POU3F2: variants seen among roughly 807,000 people sequenced by gnomAD.
POU3F2 encodes the protein POU class 3 homeobox 2.
A neutral mutation model predicts 33.1 loss-of-function variants in POU3F2; 11 were observed. The ratio of observed to expected loss-of-function variants is 0.33; its 90% CI spans 0.21 to 0.55. The LOEUF is 0.55. Ranked by LOEUF, POU3F2 falls within the 20% of genes least tolerant of loss-of-function variation. POU3F2 has a pLI of 0.91. For missense variants in POU3F2, 456 were observed against 620.2 expected, an observed-to-expected ratio of 0.74 and a Z score of 2.81; for synonymous variants, 332 against 289.6, an observed-to-expected ratio of 1.15 and a Z score of -1.49.
In POU3F2 at chr6:98,834,868, A is replaced by G; in HGVS notation, c.-6A>G. 1 of 1,596,784 alleles carries G rather than the reference A, an allele frequency of 6.3e-7. No individual in the cohort carries two copies. Among genetic ancestry groups the G allele is most frequent in the Non-Finnish European group, 8.5e-7 (1 of 1,178,250 alleles). ...AACCGGAGCGCTCAGTCCGGCTCCGAGAGTCATGGCGACCGCAGCGTCTAA... is the reference window on the plus strand; with the variant it reads ...AACCGGAGCGCTCAGTCCGGCTCCGGGAGTCATGGCGACCGCAGCGTCTAA... On this transcript the variant is annotated 5_prime_UTR_variant, in exon 1 of 1. Transcript: ENST00000328345.
Position 98,835,256 on chromosome 6 carries a change from A to G in POU3F2, c.383A>G (p.His128Arg). Residue 128 changes from histidine to arginine, a missense_variant, in exon 1 of 1, where the codon CAT (histidine) becomes CGT (arginine). By Grantham distance (29) the His-to-Arg change is conservative (BLOSUM62 0). Coordinates refer to ENST00000328345, the MANE Select transcript of POU3F2 (RefSeq NM_005604.4). This position sits in a 1 kb window ranked among gnomAD's most constrained non-coding sequence, Gnocchi z 9.7. ...GGGCCAGGCGCCCTGCAGCAGCAGC[A>G]TCAGCAGCAGCAACAGCAACAGCAG... is the stretch of plus-strand genomic sequence containing the variant. ...LHGPGALQQQ[H>R]QQQQQQQQQQ... is the part of the protein sequence containing the mutation. The G allele has an allele frequency of 6.5e-7, 1 of 1,543,776 alleles. No homozygotes were observed. Among genetic ancestry groups the G allele is most frequent in the Non-Finnish European group, 8.7e-7 (1 of 1,144,780 alleles).
In POU3F2 at chr6:98,834,941, C is replaced by T. The variant is rs2128367715; in HGVS notation, c.68C>T (p.Pro23Leu). 6.3e-7 allele frequency: 1 copy of T among 1,599,494 alleles called. No individual in the cohort carries two copies. The highest frequency in any genetic ancestry group is 8.5e-7 in the Non-Finnish European group (1 of 1,179,070). ...AGCGCCTCCATCGTGCACGCCGAGC[C>T]GCCCGGCGGCATGCAGCAGGGCGCG... ...TSSASIVHAE[P>L]PGGMQQGAGG... Residue 23 changes from proline (P) to leucine (L), a missense_variant, in exon 1 of 1, where the codon CCG becomes CTG. Pro to Leu is a moderately conservative substitution (Grantham distance 98). Around this residue, in one of 6 missense-constraint regions of POU3F2, gnomAD observed 341 missense variants for 382.4 expected, o/e 0.89. Transcript: ENST00000328345.
rs1355240342 is a variant in POU3F2 at position 98,835,107 on chromosome 6, G to C, written c.234G>C (p.Gly78=). Residue 78 remains glycine, a synonymous_variant, in exon 1 of 1, where the codon GGG becomes GGC. Coordinates refer to ENST00000328345, the MANE Select transcript of POU3F2 (RefSeq NM_005604.4). The surrounding 1 kb of genome is among the most constrained non-coding windows in gnomAD (Gnocchi z 9.7). Reference sequence around the variant, plus strand: ...GCGGCGGGGGCGGTGGCGGCGGCGGGGGGGGCGGGGGCGGCGGCGGGGGCG... The same window carrying C: ...GCGGCGGGGGCGGTGGCGGCGGCGGCGGGGGCGGGGGCGGCGGCGGGGGCG... The part of the protein sequence containing the change: ...GGGGGGGGGG[G]GGGGGGGGGG... 9.9e-6 allele frequency: 12 copies of C among 1,210,168 alleles called. No individual in the cohort carries two copies. The East Asian group carries it at 1.7e-4, about 17-fold the overall frequency. The allele number at this position is 1,210,168 out of a possible 1,614,324, so 75.0% of individuals were successfully genotyped here. A position where few individuals can be genotyped will look rare whatever the true frequency, so the allele number is the denominator to read the frequency against.
rs1769976525 is a variant in POU3F2, at chr6:98,835,211, G to T, written c.338G>T (p.Gly113Val). The part of the protein sequence containing the change: ...IKPSVVVQQG[G>V]RGDELHGPGA... Reference sequence around the variant, plus strand: ...CCCTCGGTGGTGGTGCAGCAGGGCGGCCGCGGAGACGAGCTGCACGGGCCA... The same window carrying T: ...CCCTCGGTGGTGGTGCAGCAGGGCGTCCGCGGAGACGAGCTGCACGGGCCA... The change falls in exon 1 of 1, where the codon GGC becomes GTC. Residue 113 changes from glycine to valine, a missense_variant. Gly to Val is a moderately radical substitution (Grantham distance 109). This residue lies in a region of POU3F2 where 341 missense variants were observed against 382.4 expected (regional missense o/e 0.89). Transcript: ENST00000328345. This position sits in a 1 kb window ranked among gnomAD's most constrained non-coding sequence, Gnocchi z 9.7. 6.6e-7 allele frequency: 1 copy of T among 1,521,878 alleles called. No individual in the cohort carries two copies. Among genetic ancestry groups the T allele is most frequent in the South Asian group, 1.2e-5 (1 of 81,878 alleles). The allele number at this position is 1,521,878 out of a possible 1,614,324, so 94.3% of individuals were successfully genotyped here. A position where few individuals can be genotyped will look rare whatever the true frequency, so the allele number is the denominator to read the frequency against.
rs1321043636 is a variant in POU3F2, at chr6:98,835,818, G to C, written c.945G>C (p.Gln315His). 1 of 1,614,218 alleles carries C rather than the reference G, an allele frequency of 6.2e-7. No homozygotes were observed. The highest frequency in any genetic ancestry group is 1.7e-5 in the Admixed American group (1 of 60,036). Residue 315 changes from glutamine to histidine, a missense_variant, in exon 1 of 1, where the codon CAG (glutamine) becomes CAC (histidine). Coordinates refer to ENST00000328345, the MANE Select transcript of POU3F2 (RefSeq NM_005604.4). This position sits in a 1 kb window ranked among gnomAD's most constrained non-coding sequence, Gnocchi z 9.7. Reference sequence around the variant, plus strand: ...CCATCTGCAGGTTTGAGGCCCTGCAGCTGAGCTTCAAGAACATGTGCAAGC... The same window carrying C: ...CCATCTGCAGGTTTGAGGCCCTGCACCTGAGCTTCAAGAACATGTGCAAGC... ...QTTICRFEAL[Q>H]LSFKNMCKLK... is the part of the protein sequence containing the mutation.
In POU3F2 at chr6:98,837,151, G is replaced by C. The variant is rs1050578485; in HGVS notation, c.*946G>C. 1 of 167,070 alleles carries C rather than the reference G, an allele frequency of 6.0e-6. No individual in the cohort carries two copies. Among genetic ancestry groups the C allele is most frequent in the Non-Finnish European group, 1.5e-5 (1 of 68,120 alleles). The allele number at this position is 167,070 out of a possible 1,614,324, so 10.3% of individuals were successfully genotyped here. A position where few individuals can be genotyped will look rare whatever the true frequency, so the allele number is the denominator to read the frequency against. On this transcript the variant is annotated 3_prime_UTR_variant, in exon 1 of 1. Coordinates refer to ENST00000328345, the MANE Select transcript of POU3F2 (RefSeq NM_005604.4). ...AACTTCATTTTCAGGCAGTGTTTCTGGGGGAGGTTATGGAGGGAAGAAAAA... is the reference window on the plus strand; with the variant it reads ...AACTTCATTTTCAGGCAGTGTTTCTCGGGGAGGTTATGGAGGGAAGAAAAA...
chr6:98,835,074 C>T lies in POU3F2; in HGVS notation c.201C>T (p.His67=). ...ACCAGTGGATCACCGCGCTGTCCCA[C>T]GGCGGCGGCGGCGGGGGCGGTGGCG... is the stretch of plus-strand genomic sequence containing the variant. ...HAHQWITALS[H]GGGGGGGGGG... Residue 67 remains histidine, a synonymous_variant, in exon 1 of 1, where the codon CAC becomes CAT. Coordinates refer to ENST00000328345, the MANE Select transcript of POU3F2 (RefSeq NM_005604.4). This position sits in a 1 kb window ranked among gnomAD's most constrained non-coding sequence, Gnocchi z 9.7. The T allele has an allele frequency of 1.7e-6, 2 of 1,171,236 alleles. No individual in the cohort carries two copies. Among genetic ancestry groups the T allele is most frequent in the Non-Finnish European group, 2.1e-6 (2 of 949,870 alleles). 72.6% of individuals were successfully genotyped at this position (1,171,236 alleles called of 1,614,324 possible).
At position 98,839,097 on chromosome 6, in the gene POU3F2, T is replaced by C. The variant is rs1239386877; in HGVS notation, c.*2892T>C. ...CTATGCCTGTAGCATTAAATTGAAA[T>C]GGTCATTGGGTTTGAGCTTCAATTT... is the stretch of plus-strand genomic sequence containing the variant. On this transcript the variant is annotated 3_prime_UTR_variant, in exon 1 of 1. Transcript: ENST00000328345. 6.6e-6 allele frequency: 1 copy of C among 152,048 alleles called. No homozygotes were observed. The highest frequency in any genetic ancestry group is 6.5e-5 in the Admixed American group (1 of 15,274). The allele number at this position is 152,048 out of a possible 1,614,324, so 9.4% of individuals were successfully genotyped here.
Position 98,838,902 on chromosome 6 carries a change from G to A in POU3F2, c.*2697G>A, listed in dbSNP as rs911333235. On this transcript the variant is annotated 3_prime_UTR_variant, in exon 1 of 1. Coordinates refer to ENST00000328345, the MANE Select transcript of POU3F2 (RefSeq NM_005604.4). The stretch of plus-strand genomic sequence containing the variant: ...TTAAATTGACTGAGTTGAGTTGTGT[G>A]TAAAACACTTCCCTTCCTTTATACT... 8 of 152,128 alleles carry A rather than the reference G, an allele frequency of 5.3e-5. No individual in the cohort carries two copies. Among genetic ancestry groups the A allele is most frequent in the Admixed American group, 5.2e-4 (8 of 15,278 alleles). 9.4% of individuals were successfully genotyped at this position (152,128 alleles called of 1,614,324 possible).
At position 98,835,105 on chromosome 6, in the gene POU3F2, G is replaced by T. The variant is rs1015244299; in HGVS notation, c.232G>T (p.Gly78Trp). Residue 78 changes from glycine to tryptophan, a missense_variant, in exon 1 of 1, where the codon GGG becomes TGG. Physicochemically the swap from Gly to Trp is radical, Grantham distance 184. Coordinates refer to ENST00000328345, the MANE Select transcript of POU3F2 (RefSeq NM_005604.4). This position sits in a 1 kb window ranked among gnomAD's most constrained non-coding sequence, Gnocchi z 9.7. ...CGGCGGCGGGGGCGGTGGCGGCGGC[G>T]GGGGGGGCGGGGGCGGCGGCGGGGG... ...GGGGGGGGGGGGGGGGGGGGG... is the reference protein window; with the variant it reads ...GGGGGGGGGGWGGGGGGGGGG... The T allele has an allele frequency of 8.3e-7, 1 of 1,198,132 alleles. No individual in the cohort carries two copies. The allele number at this position is 1,198,132 out of a possible 1,614,324, so 74.2% of individuals were successfully genotyped here.
In POU3F2 at chr6:98,834,728, AGGCGTCGGAGCG is replaced by A. The variant is rs1203181122; in HGVS notation, c.-134_-123del. The stretch of plus-strand genomic sequence containing the variant: ...CAGTAATAGCAGGAGCAGCAACAGA[AGGCGTCGGAGCG>A]GGCGTCGGAGCTGCCCGCTGTGGGA... On this transcript the variant is annotated 5_prime_UTR_variant, in exon 1 of 1. Transcript: ENST00000328345. 1.2e-5 allele frequency: 10 copies of A among 841,656 alleles called. No homozygotes were observed. The highest frequency in any genetic ancestry group is 3.5e-5 in the South Asian group (2 of 56,930). The allele number at this position is 841,656 out of a possible 1,614,324, so 52.1% of individuals were successfully genotyped here.
In POU3F2 at chr6:98,835,412, C is replaced by T; in HGVS notation, c.539C>T (p.Ser180Phe). The change falls in exon 1 of 1, where the codon TCC becomes TTC. Residue 180 changes from serine to phenylalanine, a missense_variant. Physicochemically the swap from Ser to Phe is radical, Grantham distance 155. This residue lies in a region of POU3F2 where 341 missense variants were observed against 382.4 expected (regional missense o/e 0.89). Coordinates refer to ENST00000328345, the MANE Select transcript of POU3F2 (RefSeq NM_005604.4). This position sits in a 1 kb window ranked among gnomAD's most constrained non-coding sequence, Gnocchi z 9.7. ...GCGGCTGCAGCGCACCTCCCACCCT[C>T]CATGGGAGCGTCCAACGGCGGCTTG... The part of the protein sequence containing the change: ...SAAAAAHLPP[S>F]MGASNGGLLY... 6.3e-7 allele frequency: 1 copy of T among 1,588,186 alleles called. No individual in the cohort carries two copies.
rs1770013960 is a variant in POU3F2 at position 98,837,403 on chromosome 6, C to A, written c.*1198C>A. 1 of 167,108 alleles carries A rather than the reference C, an allele frequency of 6.0e-6. No homozygotes were observed. The highest frequency in any genetic ancestry group is 2.1e-4 in the South Asian group (1 of 4,822). 10.4% of individuals were successfully genotyped at this position (167,108 alleles called of 1,614,324 possible). A position where few individuals can be genotyped will look rare whatever the true frequency, so the allele number is the denominator to read the frequency against. ...GAAGAATTATTTGTGCTGACAGCAG[C>A]AGTTAAACTTTGTTTCTCTAATAGC... is the stretch of plus-strand genomic sequence containing the variant. On this transcript the variant is annotated 3_prime_UTR_variant, in exon 1 of 1. Coordinates refer to ENST00000328345, the MANE Select transcript of POU3F2 (RefSeq NM_005604.4).
In POU3F2 at chr6:98,836,185, G is replaced by A; in HGVS notation, c.1312G>A (p.Val438Met). 6.3e-7 allele frequency: 1 copy of A among 1,579,496 alleles called. No homozygotes were observed. The highest frequency in any genetic ancestry group is 8.5e-7 in the Non-Finnish European group (1 of 1,171,190). Residue 438 changes from valine to methionine, a missense_variant, in exon 1 of 1, where the codon GTG becomes ATG. Val to Met is a conservative substitution (Grantham distance 21). Coordinates refer to ENST00000328345, the MANE Select transcript of POU3F2 (RefSeq NM_005604.4). The part of the protein sequence containing the change: ...GSRDTPPHHG[V>M]QTPVQ ...TAGGGACACTCCACCACACCACGGG[G>A]TGCAGACGCCCGTCCAGTGAACTCG...
rs771376340 is a variant in POU3F2 at position 98,837,051 on chromosome 6, C to T, written c.*846C>T. The T allele has an allele frequency of 6.0e-6, 1 of 167,088 alleles. No homozygotes were observed. The highest frequency in any genetic ancestry group is 1.5e-5 in the Non-Finnish European group (1 of 68,124). The allele number at this position is 167,088 out of a possible 1,614,324, so 10.4% of individuals were successfully genotyped here. ...GATTTCAGGAAATGTGCATGGTCTA[C>T]CCGCTTTATCGAAGGCAAGAATCCG... On this transcript the variant is annotated 3_prime_UTR_variant, in exon 1 of 1. Transcript: ENST00000328345.
At position 98,834,672 on chromosome 6, in the gene POU3F2, G is replaced by C. The variant is rs1448557286; in HGVS notation, c.-202G>C. On this transcript the variant is annotated 5_prime_UTR_variant, in exon 1 of 1. Coordinates refer to ENST00000328345, the MANE Select transcript of POU3F2 (RefSeq NM_005604.4). Reference sequence around the variant, plus strand: ...AGAGGAGGAGAAAGAGAGCGAGGGCGGGCGGGAGGCGGCGGCGGCGGCAGC... The same window carrying C: ...AGAGGAGGAGAAAGAGAGCGAGGGCCGGCGGGAGGCGGCGGCGGCGGCAGC... 2 of 608,266 alleles carry C rather than the reference G, an allele frequency of 3.3e-6. No homozygotes were observed. Among genetic ancestry groups the C allele is most frequent in the East Asian group, 3.1e-5 (1 of 32,416 alleles). 37.7% of individuals were successfully genotyped at this position (608,266 alleles called of 1,614,324 possible).
In POU3F2 at chr6:98,834,810, C is replaced by T; in HGVS notation, c.-64C>T. Reference sequence around the variant, plus strand: ...GCGAGCGAGGAGAGGGAGCCCGAGGCGAAAAAGTAACTGTCAAATGCGCGG... The same window carrying T: ...GCGAGCGAGGAGAGGGAGCCCGAGGTGAAAAAGTAACTGTCAAATGCGCGG... On this transcript the variant is annotated 5_prime_UTR_variant, in exon 1 of 1. Coordinates refer to ENST00000328345, the MANE Select transcript of POU3F2 (RefSeq NM_005604.4). The T allele has an allele frequency of 1.3e-6, 2 of 1,543,184 alleles. No individual in the cohort carries two copies. The highest frequency in any genetic ancestry group is 8.7e-7 in the Non-Finnish European group (1 of 1,143,576).
rs1039199515 is a variant in POU3F2 at position 98,835,617 on chromosome 6, G to T, written c.744G>T (p.Pro248=). 3 of 1,611,758 alleles carry T rather than the reference G, an allele frequency of 1.9e-6. No homozygotes were observed. Among genetic ancestry groups the T allele is most frequent in the Non-Finnish European group, 2.5e-6 (3 of 1,179,494 alleles). Residue 248 remains proline (P), a synonymous_variant, in exon 1 of 1, where the codon CCG becomes CCT. Transcript: ENST00000328345. The surrounding 1 kb of genome is among the most constrained non-coding windows in gnomAD (Gnocchi z 9.7). ...QPPPPPPPQG[P]PGHPGAHHDP... is the part of the protein sequence containing the mutation. ...CGCCCCCGCCGCCCCCGCAGGGTCCGCCTGGCCACCCAGGCGCGCACCACG... is the reference window on the plus strand; with the variant it reads ...CGCCCCCGCCGCCCCCGCAGGGTCCTCCTGGCCACCCAGGCGCGCACCACG...
Position 98,834,933 on chromosome 6 carries a change from C to G in POU3F2, c.60C>G (p.His20Gln). The G allele has an allele frequency of 2.5e-6, 4 of 1,599,916 alleles. No individual in the cohort carries two copies. The highest frequency in any genetic ancestry group is 3.4e-6 in the Non-Finnish European group (4 of 1,179,240). ...TCACCTCCAGCGCCTCCATCGTGCA[C>G]GCCGAGCCGCCCGGCGGCATGCAGC... ...SLLTSSASIV[H>Q]AEPPGGMQQG... The change falls in exon 1 of 1, where the codon CAC becomes CAG. Residue 20 changes from histidine (H) to glutamine (Q), a missense_variant. By Grantham distance (24) the His-to-Gln change is conservative. Around this residue, in one of 6 missense-constraint regions of POU3F2, gnomAD observed 341 missense variants for 382.4 expected, o/e 0.89. Coordinates refer to ENST00000328345, the MANE Select transcript of POU3F2 (RefSeq NM_005604.4).
Sources: allele counts gnomAD v4.1 joint callset, GRCh38; gene constraint gnomAD v4.1.1; regional missense constraint gnomAD v4.1.1; non-coding constraint Gnocchi (gnomAD v3.1); transcripts MANE v1.5; gene names NCBI Gene and HGNC (gene_info 2026-07-23, HGNC 2026-07-21).